Variants in LRMDA observed in about 807,000 individuals in gnomAD.
LRMDA encodes leucine-rich melanocyte differentiation-associated protein.
A neutral mutation model predicts 29.8 loss-of-function variants in LRMDA; 18 were observed. That is an observed-to-expected ratio of 0.60 (90% CI 0.42 to 0.90). The LOEUF is 0.90. LRMDA is among the 40% of genes least tolerant of loss of function. The pLI, the probability that LRMDA is intolerant of heterozygous loss-of-function variation, is 0.00. For missense variants in LRMDA, 273 were observed against 273.9 expected, an observed-to-expected ratio of 1.00 and a Z score of 0.02; for synonymous variants, 125 against 109.4, an observed-to-expected ratio of 1.14 and a Z score of -0.89.
chr10:76,389,335 G>T (rs1298021596), intron 6 of LRMDA, among the ~76,000 whole-genome samples: 1 of 152,048 alleles, frequency 6.6e-6, no homozygotes, highest in Non-Finnish European at 1.5e-5. Context: ...AATTAGAAGG[G>T]CCCAAGCAAT....
intron 2 of LRMDA, among the ~76,000 whole-genome samples, chr10:75,500,815 C>T (rs1357556341): frequency 6.6e-6 from 1 of 152,130 alleles, no homozygotes; most frequent in Non-Finnish European, 1.5e-5. Context: ...GGGGGAAAGC[C>T]ACCCCTATGA....
At chr10:75,547,803 A>G (rs937762893) in intron 2 of LRMDA, among the ~76,000 whole-genome samples, 1 of 152,182 alleles carries the variant, frequency 6.6e-6, no homozygotes, top group Non-Finnish European at 1.5e-5. Context: ...TATTAAAGGG[A>G]ATAAAAAAGA....
At chr10:76,253,179 A>G (rs1304728237) in intron 5 of LRMDA, among the ~76,000 whole-genome samples, 1 of 152,106 alleles carries the variant, frequency 6.6e-6, no homozygotes, top group African/African-American at 2.4e-5. Context: ...TTTGTTTTGC[A>G]TATTATGGGT....
chr10:76,525,959 G>A (rs963399176), intron 6 of LRMDA, among the ~76,000 whole-genome samples: 2 of 152,076 alleles, frequency 1.3e-5, no homozygotes, highest in African/African-American at 4.8e-5. Context: ...TTTAATTCTA[G>A]ACTATAACCA....
chr10:75,835,899 T>A (rs2132295682), intron 2 of LRMDA, among the ~76,000 whole-genome samples: 1 of 152,310 alleles, frequency 6.6e-6, no homozygotes, highest in East Asian at 1.9e-4. Flanking sequence ...AGTGCTAAAG[T>A]CAGTTGAGGT....
At chr10:76,426,317 C>T (rs1197364198) in intron 6 of LRMDA, among the ~76,000 whole-genome samples, 2 of 152,172 alleles carry the variant, frequency 1.3e-5, no homozygotes, top group African/African-American at 4.8e-5. Flanking sequence ...GATGATATCT[C>T]ATTGTGGTTT....
rs1202974800 is a variant in LRMDA at position 76,339,312 on chromosome 10, A to G, written c.601+14827A>G. On this transcript the variant is annotated intron_variant, in intron 6 of 6. Transcript: ENST00000611255. The stretch of plus-strand genomic sequence containing the variant: ...AGTAAAAGAGGTAAGAAAAAGAACT[A>G]TAGACTACAGAATTAGAAATAAATG... 7.3e-5 allele frequency among the ~76,000 whole-genome samples: 11 copies of G among 151,624 alleles called. No homozygotes were observed. The South Asian group carries it at 2.1e-3, about 29-fold the overall frequency.
At chr10:75,844,191 CA>C (rs1844592627) in intron 2 of LRMDA, among the ~76,000 whole-genome samples, 1 of 152,098 alleles carries the variant, frequency 6.6e-6, no homozygotes, top group South Asian at 2.1e-4. Flanking sequence ...CAAATTTCAC[CA>C]GTGCTTTTCT....
chr10:75,834,594 C>T (rs1017306641), intron 2 of LRMDA, among the ~76,000 whole-genome samples: 3 of 152,200 alleles, frequency 2.0e-5, no homozygotes, highest in Non-Finnish European at 4.4e-5. Context: ...CCAGATTGGA[C>T]CTTCAACACT....
intron 5 of LRMDA, among the ~76,000 whole-genome samples, chr10:76,255,917 A>G (rs886791450): frequency 6.6e-6 from 1 of 152,240 alleles, no homozygotes; most frequent in East Asian, 1.9e-4. Flanking sequence ...TGAATAACAT[A>G]TGTAGTCAAG....
intron 6 of LRMDA, among the ~76,000 whole-genome samples, chr10:76,336,616 AAC>A (rs1840972170): frequency 6.6e-6 from 1 of 152,222 alleles, no homozygotes; most frequent in African/African-American, 2.4e-5. Flanking sequence ...CTAATTCCCA[AAC>A]ACAGACTGCC....
intron 5 of LRMDA, among the ~76,000 whole-genome samples, chr10:76,240,755 GA>G (rs1852258261): frequency 7.0e-6 from 1 of 143,742 alleles, no homozygotes. Flanking sequence ...AGTGGATAAA[GA>G]AAATGTGAGA....
At chr10:75,643,190 C>T (rs1032053568) in intron 2 of LRMDA, 3 of 152,032 alleles carry the variant, frequency 2.0e-5, no homozygotes, top group African/African-American at 7.2e-5. Context: ...ATTCTGATTT[C>T]AAGAGAGTAG....
intron 6 of LRMDA, among the ~76,000 whole-genome samples, chr10:76,423,399 T>C (rs1842090194): frequency 1.3e-5 from 2 of 151,984 alleles, no homozygotes; most frequent in African/African-American, 2.4e-5. Flanking sequence ...GTCTCAAAAA[T>C]AGTAATAAAA....
intron 2 of LRMDA, among the ~76,000 whole-genome samples, chr10:75,977,691 G>A (rs1212672522): frequency 6.6e-6 from 1 of 152,208 alleles, no homozygotes; most frequent in African/African-American, 2.4e-5. Context: ...CCTTTGGGGA[G>A]CTGCCCACGG....
rs1053840622 is a variant in LRMDA, at chr10:76,102,824, T to A, written c.516+44041T>A. 1.5e-3 allele frequency among the ~76,000 whole-genome samples: 234 copies of A among 152,224 alleles called. 3 individuals are homozygous for A. Among genetic ancestry groups the A allele is most frequent in the Admixed American group, 5.6e-3 (86 of 15,284 alleles). On this transcript the variant is annotated intron_variant, in intron 5 of 6. Coordinates refer to ENST00000611255, the MANE Select transcript of LRMDA (RefSeq NM_001305581.2). ...TGCACCACCATGCCTATCTATTTTT[T>A]AAAAATTTTTTGTAGAGATAGGGTC... is the stretch of plus-strand genomic sequence containing the variant.
chr10:75,962,114 A>G lies in LRMDA; in HGVS notation c.132-73894A>G, dbSNP rs187822031. ...TTACATCTGCAATGGCCCTAATTTCAAATAAGGTTACATTCTGAGGTACCA... is the reference window on the plus strand; with the variant it reads ...TTACATCTGCAATGGCCCTAATTTCGAATAAGGTTACATTCTGAGGTACCA... On this transcript the variant is annotated intron_variant, in intron 2 of 6. Coordinates refer to ENST00000611255, the MANE Select transcript of LRMDA (RefSeq NM_001305581.2). Among the ~76,000 whole-genome samples the G allele has an allele frequency of 3.4e-3, 514 of 152,304 alleles. 1 individual carries two copies. Among genetic ancestry groups the G allele is most frequent in the Middle Eastern group, 0.014 (4 of 294 alleles).
intron 5 of LRMDA, among the ~76,000 whole-genome samples, chr10:76,090,724 A>G (rs1259366534): frequency 6.6e-6 from 1 of 152,244 alleles, no homozygotes; most frequent in Non-Finnish European, 1.5e-5. Context: ...GACACATGCT[A>G]CAACATGGAT....
intron 5 of LRMDA, among the ~76,000 whole-genome samples, chr10:76,168,006 T>C (rs777896919): frequency 6.6e-6 from 1 of 152,146 alleles, no homozygotes; most frequent in Non-Finnish European, 1.5e-5. Flanking sequence ...ATTTTATTCT[T>C]TTTGTGGCAA....
Sources: allele counts gnomAD v4.1 joint callset (sites outside exome capture counted in the v4.1 genomes callset), GRCh38; gene constraint gnomAD v4.1.1; transcripts MANE v1.5; gene names NCBI Gene and HGNC (gene_info 2026-07-23, HGNC 2026-07-21).